The following CFAP251 variants were observed in gnomAD, a reference collection of about 807,000 sequenced individuals.
CFAP251 encodes the protein cilia and flagella associated protein 251.
In CFAP251, 93 loss-of-function variants were observed where a neutral mutation model predicts 126.7. The observed-to-expected ratio is 0.73, with a 90% CI of 0.62 to 0.87. The LOEUF is 0.87. Among genes scored for constraint, CFAP251 ranks in the 40% least tolerant of loss-of-function variants. The probability of loss-of-function intolerance (pLI) is 0.00; values close to 1 mark genes in which losing one functional copy is unlikely to be tolerated. For synonymous variants in CFAP251, 503 were observed against 506.9 expected (o/e 0.99, Z 0.10); for missense variants, 1,287 against 1,389.2 (o/e 0.93, Z 1.17).
At chr12:121,944,355 G>A (rs1305553732) in intron 7 of CFAP251, among the ~76,000 whole-genome samples, 7 of 152,066 alleles carry the variant, frequency 4.6e-5, no homozygotes, top group Non-Finnish European at 1.0e-4. Context: ...CCTTAAGGTT[G>A]TGTTAACACA....
chr12:121,966,627 C>A (rs1353432894), intron 15 of CFAP251, among the ~76,000 whole-genome samples: 1 of 146,674 alleles, frequency 6.8e-6, no homozygotes, highest in Non-Finnish European at 1.5e-5. Context: ...ACTTTGTCAC[C>A]TAGGCTGGAG....
At position 121,999,394 on chromosome 12, in the gene CFAP251, G is replaced by A. The variant is rs140570286; in HGVS notation, c.3007-322G>A. On this transcript the variant is annotated intron_variant, in intron 19 of 21. Transcript: ENST00000288912. ...AGTATTCTTTTTTTTTCCCCCCGCC[G>A]AGACAGAGTTTCACTCTGTTGCCCA... is the stretch of plus-strand genomic sequence containing the variant. The A allele has an allele frequency of 4.4e-3, 740 of 166,344 alleles. 8 individuals are homozygous for A. Among genetic ancestry groups the A allele is most frequent in the African/African-American group, 0.017 (709 of 42,028 alleles). The allele number at this position is 166,344 out of a possible 1,614,324, so 10.3% of individuals were successfully genotyped here. A position where few individuals can be genotyped will look rare whatever the true frequency, so the allele number is the denominator to read the frequency against.
At chr12:121,975,138 T>C (rs2135799038) in intron 17 of CFAP251, 106 bp from the exon 18 acceptor site, 1 of 828,014 alleles carries the variant, frequency 1.2e-6, no homozygotes, top group East Asian at 2.5e-5. Context: ...TAACTGTATC[T>C]GTGCTGTGAT....
chr12:121,923,916 C>T lies in CFAP251; in HGVS notation c.673C>T (p.Arg225Trp), dbSNP rs375750046. The T allele has an allele frequency of 1.4e-5, 23 of 1,613,892 alleles. No homozygotes were observed. The highest frequency in any genetic ancestry group is 2.2e-5 in the East Asian group (1 of 44,886). The stretch of plus-strand genomic sequence containing the variant: ...CATCCAGTCCAAAGCAGGGATCTCC[C>T]GGGAGTCACTGGTGTCCAGCACCAC... ...SDIQSKAGIS[R>W]ESLVSSTTED... Residue 225 changes from arginine to tryptophan, a missense_variant, in exon 3 of 22, where the codon CGG becomes TGG. Transcript: ENST00000288912.
chr12:121,961,193 G>A (rs946179222), intron 14 of CFAP251, among the ~76,000 whole-genome samples: 1 of 152,158 alleles, frequency 6.6e-6, no homozygotes, highest in African/African-American at 2.4e-5. Flanking sequence ...TACAGAGTCA[G>A]GTGAAATGGA....
At chr12:121,945,524 T>A (rs1881288090) in intron 7 of CFAP251, among the ~76,000 whole-genome samples, 1 of 151,412 alleles carries the variant, frequency 6.6e-6, no homozygotes, top group African/African-American at 2.4e-5. Context: ...TTTGTATTTT[T>A]AGTACAGATG....
intron 16 of CFAP251, 59 bp downstream of exon 16, chr12:121,967,128 C>T: frequency 6.8e-7 from 1 of 1,479,046 alleles, no homozygotes; most frequent in African/African-American, 1.4e-5. Context: ...GAGCAGCAGT[C>T]ATTACTGAAG....
chr12:121,981,297 C>T (rs1169554073), intron 19 of CFAP251, among the ~76,000 whole-genome samples: 1 of 133,172 alleles, frequency 7.5e-6, no homozygotes, highest in Non-Finnish European at 1.7e-5. Context: ...TATAGGGAGA[C>T]CCTGTCTCTA....
chr12:121,944,254 C>T (rs1381972268), intron 7 of CFAP251, among the ~76,000 whole-genome samples: 1 of 152,190 alleles, frequency 6.6e-6, no homozygotes, highest in Non-Finnish European at 1.5e-5. Flanking sequence ...TGACTAGACT[C>T]AGCCAGGGAA....
At chr12:121,993,701 G>T (rs1427041333) in intron 19 of CFAP251, among the ~76,000 whole-genome samples, 1 of 144,366 alleles carries the variant, frequency 6.9e-6, no homozygotes, top group Admixed American at 6.9e-5. Flanking sequence ...CGGCCGCCCC[G>T]TCTGAGAAGT....
In CFAP251 at chr12:121,960,706, A is replaced by G; in HGVS notation, c.2255A>G (p.Tyr752Cys). ...KSIRSLLFGV[Y>C]LDSNEPRLLS... ...ATTCGAAGTCTCCTGTTTGGGGTTTACCTGGACAGCAATGAGCCTAGACTG... is the reference window on the plus strand; with the variant it reads ...ATTCGAAGTCTCCTGTTTGGGGTTTGCCTGGACAGCAATGAGCCTAGACTG... Residue 752 changes from tyrosine (Y) to cysteine (C), a missense_variant, in exon 14 of 22, where the codon TAC (tyrosine) becomes TGC (cysteine). Tyr to Cys is a radical substitution (Grantham distance 194). Coordinates refer to ENST00000288912, the MANE Select transcript of CFAP251 (RefSeq NM_144668.6). The G allele has an allele frequency of 6.2e-7, 1 of 1,613,890 alleles. No homozygotes were observed. Among genetic ancestry groups the G allele is most frequent in the Non-Finnish European group, 8.5e-7 (1 of 1,179,926 alleles).
chr12:121,942,303 C>T (rs1201513435), intron 5 of CFAP251, among the ~76,000 whole-genome samples: 1 of 152,182 alleles, frequency 6.6e-6, no homozygotes, highest in Non-Finnish European at 1.5e-5. Context: ...ATACACCACA[C>T]GCCTTTCGTG....
Position 121,978,393 on chromosome 12 carries a change from CAAAAAAAA to C in CFAP251, c.3006+2729_3006+2736del, listed in dbSNP as rs10642280. ...TGGGCGACAGAGCAAGACTCTGTCTCAAAAAAAAAAAAAAAAAAAAAAAAAAAATTATC... is the reference window on the plus strand; with the variant it reads ...TGGGCGACAGAGCAAGACTCTGTCTCAAAAAAAAAAAAAAAAAAAATTATC... On this transcript the variant is annotated intron_variant, in intron 19 of 21. Transcript: ENST00000288912. Among the ~76,000 whole-genome samples the C allele has an allele frequency of 4.7e-4, 20 of 42,120 alleles. 1 individual carries two copies. Among genetic ancestry groups the C allele is most frequent in the East Asian group, 4.4e-4 (1 of 2,270 alleles). 27.6% of individuals were successfully genotyped at this position (42,120 alleles called of 152,430 possible).
At chr12:122,000,547 CAAAA>C (rs36002683) in intron 20 of CFAP251, among the ~76,000 whole-genome samples, 1 of 105,334 alleles carries the variant, frequency 9.5e-6, no homozygotes, top group African/African-American at 4.3e-5. Context: ...GCGAGACTGT[CAAAA>C]AAAAAAAAAA....
chr12:121,936,762 G>A (rs1357054242), intron 5 of CFAP251, among the ~76,000 whole-genome samples: 1 of 152,170 alleles, frequency 6.6e-6, no homozygotes, highest in Non-Finnish European at 1.5e-5. Flanking sequence ...CAAAAAGCAT[G>A]AGCCTGCAGC....
In CFAP251 at chr12:121,974,173, A is replaced by T. The variant is rs771274043; in HGVS notation, c.2772-1071A>T. ...AGATCTGATGGTTTGATAAGGGGAAACCTGATTCACTTGGTCTCTCATTCT... is the reference window on the plus strand; with the variant it reads ...AGATCTGATGGTTTGATAAGGGGAATCCTGATTCACTTGGTCTCTCATTCT... On this transcript the variant is annotated intron_variant, in intron 17 of 21. Transcript: ENST00000288912. This position sits in a 1 kb window ranked among gnomAD's most constrained non-coding sequence, Gnocchi z 4.6. Among the ~76,000 whole-genome samples the T allele has an allele frequency of 1.3e-5, 2 of 151,944 alleles. No homozygotes were observed. The highest frequency in any genetic ancestry group is 1.5e-5 in the Non-Finnish European group (1 of 67,970).
intron 6 of CFAP251, 82 bp downstream of exon 6, chr12:121,942,727 C>A: frequency 7.8e-7 from 1 of 1,290,068 alleles, no homozygotes; most frequent in Non-Finnish European, 1.1e-6. Flanking sequence ...TCTGTTCAGG[C>A]TGGGCTGTGT....
Position 121,968,194 on chromosome 12 carries a change from G to C in CFAP251, c.2771+25G>C, listed in dbSNP as rs138813635. On this transcript the variant is annotated intron_variant, in intron 17 of 21. Coordinates refer to ENST00000288912, the MANE Select transcript of CFAP251 (RefSeq NM_144668.6). ...GGTACACGATGGGGCGAGAAGGAAGGTATCAAGTGTAAACTCCTTTTCACT... is the reference window on the plus strand; with the variant it reads ...GGTACACGATGGGGCGAGAAGGAAGCTATCAAGTGTAAACTCCTTTTCACT... The C allele has an allele frequency of 4.4e-6, 7 of 1,578,898 alleles. No homozygotes were observed. In the African/African-American group the frequency reaches 9.5e-5, roughly 21 times the overall value.
chr12:121,999,992 A>G lies in CFAP251; in HGVS notation c.3235+48A>G, dbSNP rs182332309. On this transcript the variant is annotated intron_variant, in intron 20 of 21. Coordinates refer to ENST00000288912, the MANE Select transcript of CFAP251 (RefSeq NM_144668.6). ...CTGGTAACATCCTGGGGCCATTCCC[A>G]GTGTAGAGAACTGAGTTTGGGGAGC... 851 of 1,537,248 alleles carry G rather than the reference A, an allele frequency of 5.5e-4. 1 individual carries two copies. The highest frequency in any genetic ancestry group is 5.5e-3 in the Middle Eastern group (32 of 5,822).
Sources: gnomAD v4.1 joint callset for allele counts (sites outside exome capture counted in the v4.1 genomes callset) on GRCh38, gnomAD v4.1.1 for gene constraint, Gnocchi (gnomAD v3.1) non-coding constraint, MANE v1.5 for transcripts, NCBI Gene and HGNC (gene_info 2026-07-23, HGNC 2026-07-21) for gene names.